The following PSMC2 variants were observed in gnomAD, a reference collection of about 807,000 sequenced individuals.
The protein encoded by PSMC2 is proteasome 26S subunit, ATPase 2.
PSMC2 carries 7 observed loss-of-function variants against 53.3 expected under a neutral mutation model. The ratio of observed to expected loss-of-function variants is 0.13; its 90% CI spans 0.07 to 0.25. The LOEUF (loss-of-function observed/expected upper bound fraction) is 0.25, where lower values mean the gene tolerates loss of function less well. PSMC2 is among the 10% of genes least tolerant of loss of function. The pLI, the probability that PSMC2 is intolerant of heterozygous loss-of-function variation, is 1.00. For missense variants in PSMC2, 241 were observed against 544.0 expected, an observed-to-expected ratio of 0.44 and a Z score of 5.54; for synonymous variants, 169 against 183.9, an observed-to-expected ratio of 0.92 and a Z score of 0.66.
intron 3 of PSMC2, 57 bp from the exon 4 acceptor site, chr7:103,355,637 C>CTTA (rs1159079222): frequency 7.6e-7 from 1 of 1,317,522 alleles, no homozygotes; most frequent in Non-Finnish European, 1.1e-6. Context: ...GTTTAGAAAG[C>CTTA]TTATTATAGG....
Position 103,354,966 on chromosome 7 carries a change from T to A in PSMC2, c.190+17T>A. The A allele has an allele frequency of 6.7e-7, 1 of 1,503,436 alleles. No homozygotes were observed. Among genetic ancestry groups the A allele is most frequent in the Non-Finnish European group, 9.3e-7 (1 of 1,080,548 alleles). The allele number at this position is 1,503,436 out of a possible 1,614,324, so 93.1% of individuals were successfully genotyped here. The stretch of plus-strand genomic sequence containing the variant: ...AGCTCACTGGTATGTATTTTTAAAT[T>A]CCCATTTCCTTCCTTTAAATGTAAT... On this transcript the variant is annotated intron_variant, in intron 3 of 11. Transcript: ENST00000292644.
At chr7:103,350,778 G>GT (rs1819713499) in intron 1 of PSMC2, among the ~76,000 whole-genome samples, 1 of 152,128 alleles carries the variant, frequency 6.6e-6, no homozygotes, top group Admixed American at 6.5e-5. Context: ...CATTTCAGGG[G>GT]TGAGCTACCA....
intron 8 of PSMC2, among the ~76,000 whole-genome samples, chr7:103,365,371 C>T (rs1414776113): frequency 6.6e-6 from 1 of 152,128 alleles, no homozygotes; most frequent in Non-Finnish European, 1.5e-5. Flanking sequence ...GTGGCTCATG[C>T]CTGTAATCCT....
Position 103,353,903 on chromosome 7 carries a change from TTG to T in PSMC2, c.71-16_71-15del. ...CTAGTTTCTTTTTGAATCTCACGTA[TTG>T]TCTCTCTTCTTTCAGCTCTGGATGA... On this transcript the variant is annotated splice_polypyrimidine_tract_variant and intron_variant, in intron 1 of 11. Transcript: ENST00000292644. The T allele has an allele frequency of 6.3e-7, 1 of 1,597,444 alleles. No individual in the cohort carries two copies. Among genetic ancestry groups the T allele is most frequent in the Non-Finnish European group, 8.6e-7 (1 of 1,169,198 alleles).
chr7:103,354,472 G>A (rs1454507316), intron 2 of PSMC2, among the ~76,000 whole-genome samples: 2 of 151,072 alleles, frequency 1.3e-5, no homozygotes, highest in Non-Finnish European at 2.9e-5. Context: ...GGGTTCAAGC[G>A]ATTCTCCTGC....
At chr7:103,364,638 G>A (rs925465736) in intron 8 of PSMC2, among the ~76,000 whole-genome samples, 1 of 152,078 alleles carries the variant, frequency 6.6e-6, no homozygotes, top group South Asian at 2.1e-4. Flanking sequence ...AAACTCCTGG[G>A]CTCAAGTGAT....
chr7:103,364,105 C>T (rs751235684), intron 7 of PSMC2, 38 bp from the exon 8 acceptor site: 4 of 1,588,978 alleles, frequency 2.5e-6, no homozygotes, highest in Non-Finnish European at 3.4e-6. Flanking sequence ...TTTTGTTATA[C>T]AGAAGTGGTA....
At chr7:103,355,269 T>C (rs1166316741) in intron 3 of PSMC2, among the ~76,000 whole-genome samples, 2 of 152,020 alleles carry the variant, frequency 1.3e-5, no homozygotes, top group African/African-American at 2.4e-5. Flanking sequence ...TCTCACAACA[T>C]AGTTTTGCTT....
rs780295964 is a variant in PSMC2, at chr7:103,364,354, C to T, written c.756+47C>T. 6.3e-6 allele frequency: 10 copies of T among 1,598,228 alleles called. No homozygotes were observed. In the African/African-American group the frequency reaches 1.1e-4, roughly 17 times the overall value. On this transcript the variant is annotated intron_variant, in intron 8 of 11. Transcript: ENST00000292644. Reference sequence around the variant, plus strand: ...ATATATAGCCTTGTGAAAGATTTTACAGTATGAATGAAATTAAAAATGGCA... The same window carrying T: ...ATATATAGCCTTGTGAAAGATTTTATAGTATGAATGAAATTAAAAATGGCA...
chr7:103,368,244 T>C lies in PSMC2; in HGVS notation c.*190T>C. The C allele has an allele frequency of 1.7e-6, 1 of 605,468 alleles. No homozygotes were observed. Among genetic ancestry groups the C allele is most frequent in the South Asian group, 2.9e-5 (1 of 34,496 alleles). 37.5% of individuals were successfully genotyped at this position (605,468 alleles called of 1,614,324 possible). A position where few individuals can be genotyped will look rare whatever the true frequency, so the allele number is the denominator to read the frequency against. ...AAAGCTTGTTAGAATATATTTTGAC[T>C]ATTTTTTTGACCCACACCCGTTTAA... On this transcript the variant is annotated 3_prime_UTR_variant, in exon 12 of 12. Coordinates refer to ENST00000292644, the MANE Select transcript of PSMC2 (RefSeq NM_002803.4).
intron 1 of PSMC2, among the ~76,000 whole-genome samples, chr7:103,350,633 C>T (rs533707138): frequency 3.7e-4 from 56 of 152,090 alleles, no homozygotes; most frequent in Admixed American, 1.0e-3. Flanking sequence ...GGACAACAGG[C>T]GTGCACCACC....
chr7:103,361,262 T>A (rs1292072191), intron 4 of PSMC2, among the ~76,000 whole-genome samples: 1 of 151,034 alleles, frequency 6.6e-6, no homozygotes, highest in East Asian at 1.9e-4. Flanking sequence ...GGCGGGCGGA[T>A]CACCTGAGGT....
At chr7:103,359,609 A>G (rs1820259646) in intron 4 of PSMC2, among the ~76,000 whole-genome samples, 1 of 152,188 alleles carries the variant, frequency 6.6e-6, no homozygotes, top group Non-Finnish European at 1.5e-5. Context: ...TTCACTTAGC[A>G]TATTTCAAGG....
intron 4 of PSMC2, among the ~76,000 whole-genome samples, chr7:103,360,594 C>T (rs111474588): frequency 0.015 from 2,356 of 152,288 alleles, 27 homozygotes; most frequent in Non-Finnish European, 0.023. Context: ...TTTAGCTCTA[C>T]CTATGTGCGC....
At chr7:103,354,514 G>A (rs933571465) in intron 2 of PSMC2, among the ~76,000 whole-genome samples, 2 of 151,734 alleles carry the variant, frequency 1.3e-5, no homozygotes, top group Non-Finnish European at 2.9e-5. Flanking sequence ...GATTATGAGC[G>A]CCCACCACCA....
chr7:103,354,825 T>C (rs775610205), intron 2 of PSMC2, 43 bp from the exon 3 acceptor site: 1 of 1,248,238 alleles, frequency 8.0e-7, no homozygotes, highest in Admixed American at 1.9e-5. Flanking sequence ...TAATAAATGG[T>C]TGATATCCTG....
intron 1 of PSMC2, among the ~76,000 whole-genome samples, chr7:103,353,335 C>T (rs1819833035): frequency 6.6e-6 from 1 of 151,876 alleles, no homozygotes. Context: ...GAGATGGAGT[C>T]TCTCTCGGTC....
At chr7:103,360,683 T>C (rs1449042093) in intron 4 of PSMC2, among the ~76,000 whole-genome samples, 1 of 152,236 alleles carries the variant, frequency 6.6e-6, no homozygotes, top group Non-Finnish European at 1.5e-5. Context: ...AGTTCTGTTT[T>C]TTGTTTTTGT....
Position 103,362,002 on chromosome 7 carries a change from T to A in PSMC2, c.336T>A (p.Ile112=). 1 of 1,613,870 alleles carries A rather than the reference T, an allele frequency of 6.2e-7. No individual in the cohort carries two copies. The highest frequency in any genetic ancestry group is 1.1e-5 in the South Asian group (1 of 91,028). ...INADSEDPKY[I]INVKQFAKFV... is the part of the protein sequence containing the mutation. ...CTGATTCGGAGGACCCAAAATACAT[T>A]ATCAACGTAAAGCAGTTTGCCAAGT... Residue 112 remains isoleucine (I), a synonymous_variant, in exon 5 of 12, where the codon ATT becomes ATA. Coordinates refer to ENST00000292644, the MANE Select transcript of PSMC2 (RefSeq NM_002803.4).
Sources: allele counts gnomAD v4.1 joint callset (sites outside exome capture counted in the v4.1 genomes callset), GRCh38; gene constraint gnomAD v4.1.1; transcripts MANE v1.5; gene names NCBI Gene and HGNC (gene_info 2026-07-23, HGNC 2026-07-21).